FLVCR2: variants seen among roughly 807,000 people sequenced by gnomAD.
FLVCR2 encodes FLVCR choline and putative heme transporter 2.
In FLVCR2, 38 loss-of-function variants were observed where a neutral mutation model predicts 48.9. The observed-to-expected ratio is 0.78, with a 90% confidence interval of 0.60 to 1.02. The LOEUF is 1.02. FLVCR2 is among the 50% of genes least tolerant of loss of function. FLVCR2 has a pLI of 0.00. For synonymous variants in FLVCR2, 255 were observed against 257.0 expected (o/e 0.99, Z 0.07); for missense variants, 664 against 663.3 (o/e 1.00, Z -0.01).
chr14:75,624,726 A>G lies in FLVCR2; in HGVS notation c.926A>G (p.Asn309Ser). 2 of 1,614,006 alleles carry G rather than the reference A, an allele frequency of 1.2e-6. No individual in the cohort carries two copies. The highest frequency in any genetic ancestry group is 1.7e-6 in the Non-Finnish European group (2 of 1,179,990). The stretch of plus-strand genomic sequence containing the variant: ...ATCGCCCGGCTCTTCAAAAATCTCA[A>G]CTTTGTGCTGCTTGTCATCACCTAT... Reference protein sequence around the residue: ...GSIARLFKNLNFVLLVITYGL... With the variant: ...GSIARLFKNLSFVLLVITYGL... The change falls in exon 3 of 10, where the codon AAC becomes AGC. Residue 309 changes from asparagine (N) to serine (S), a missense_variant. Coordinates refer to ENST00000238667, the MANE Select transcript of FLVCR2 (RefSeq NM_017791.3).
chr14:75,639,412 C>A lies in FLVCR2; in HGVS notation c.1185C>A (p.Thr395=). Residue 395 remains threonine, a synonymous_variant, in exon 6 of 10, where the codon ACC becomes ACA. Transcript: ENST00000238667. The part of the protein sequence containing the change: ...TLVGMVVYTF[T]LNLGHLWVVF... ...TGGGCATGGTGGTGTACACGTTTAC[C>A]TTGAACCTGGGACACCTGTGGGTAG... 6.2e-7 allele frequency: 1 copy of A among 1,614,072 alleles called. No homozygotes were observed. Among genetic ancestry groups the A allele is most frequent in the Non-Finnish European group, 8.5e-7 (1 of 1,179,946 alleles).
intron 1 of FLVCR2, among the ~76,000 whole-genome samples, chr14:75,618,499 T>C (rs1279005582): frequency 6.6e-6 from 1 of 152,246 alleles, no homozygotes; most frequent in Non-Finnish European, 1.5e-5. Flanking sequence ...CTTTGTGTTT[T>C]GTTGAGAATG....
In FLVCR2 at chr14:75,641,200, A is replaced by G; in HGVS notation, c.1360A>G (p.Thr454Ala). The G allele has an allele frequency of 6.2e-7, 1 of 1,613,002 alleles. No homozygotes were observed. Among genetic ancestry groups the G allele is most frequent in the Non-Finnish European group, 8.5e-7 (1 of 1,179,304 alleles). Residue 454 changes from threonine (T) to alanine (A), a missense_variant, in exon 8 of 10, where the codon ACC (threonine) becomes GCC (alanine). Coordinates refer to ENST00000238667, the MANE Select transcript of FLVCR2 (RefSeq NM_017791.3). ...TTTCCAGGTATTTGGGATCATCTTT[A>G]CCATCTCCCAGGGCCAGATTATTGA... ...ISAQVFGIIF[T>A]ISQGQIIDNY...
rs555834563 is a variant in FLVCR2, at chr14:75,633,893, G to A, written c.1020+197G>A. Reference sequence around the variant, plus strand: ...TTTGGTGTTACTAAACTGTGTGATGGCTTGACAGTGTGACAAGCTAGTTAG... The same window carrying A: ...TTTGGTGTTACTAAACTGTGTGATGACTTGACAGTGTGACAAGCTAGTTAG... On this transcript the variant is annotated intron_variant, in intron 4 of 9. Transcript: ENST00000238667. 3.9e-5 allele frequency among the ~76,000 whole-genome samples: 6 copies of A among 152,056 alleles called. No individual in the cohort carries two copies. The East Asian group carries it at 1.2e-3, about 29-fold the overall frequency.
At chr14:75,610,350 G>C (rs1889408917) in intron 1 of FLVCR2, among the ~76,000 whole-genome samples, 2 of 152,186 alleles carry the variant, frequency 1.3e-5, no homozygotes, top group African/African-American at 4.8e-5. Context: ...GTCCTTAAAA[G>C]GAGGAGTGTG....
chr14:75,633,612 C>G lies in FLVCR2; in HGVS notation c.953-17C>G. ...GAAAGCTGACCCTAATGTTGTATTT[C>G]TCGCTCCCTTCTTCAGGTCTGAATG... is the stretch of plus-strand genomic sequence containing the variant. On this transcript the variant is annotated splice_polypyrimidine_tract_variant and intron_variant, in intron 3 of 9. Coordinates refer to ENST00000238667, the MANE Select transcript of FLVCR2 (RefSeq NM_017791.3). 6.2e-7 allele frequency: 1 copy of G among 1,609,400 alleles called. No individual in the cohort carries two copies. Among genetic ancestry groups the G allele is most frequent in the Non-Finnish European group, 8.5e-7 (1 of 1,175,666 alleles).
intron 1 of FLVCR2, among the ~76,000 whole-genome samples, chr14:75,596,786 C>CT (rs1889033276): frequency 8.6e-6 from 1 of 116,826 alleles, no homozygotes; most frequent in African/African-American, 3.1e-5. Flanking sequence ...TTTTGCCCCC[C>CT]CCCCCCGCCC....
rs146030598 is a variant in FLVCR2 at position 75,646,069 on chromosome 14, GA to G, written c.1510-328del. Among the ~76,000 whole-genome samples, 905 of 152,252 alleles carry G rather than the reference GA, an allele frequency of 5.9e-3. 11 individuals are homozygous for G. The highest frequency in any genetic ancestry group is 0.021 in the African/African-American group (858 of 41,520). On this transcript the variant is annotated intron_variant, in intron 9 of 9. Transcript: ENST00000238667. ...GTTTTCAGCTGTCAGAATGTGGAGG[GA>G]AAAGGGGCTTTGCTTCTGTTTCAGT...
chr14:75,608,080 A>G lies in FLVCR2; in HGVS notation c.670-13999A>G, dbSNP rs548584208. The stretch of plus-strand genomic sequence containing the variant: ...GTGAGTTCTCATCTAAAAAATCAAA[A>G]AATACTCTGGACTTGCCCTTTGACA... On this transcript the variant is annotated intron_variant, in intron 1 of 9. Coordinates refer to ENST00000238667, the MANE Select transcript of FLVCR2 (RefSeq NM_017791.3). Among the ~76,000 whole-genome samples the G allele has an allele frequency of 1.7e-4, 26 of 152,248 alleles. No homozygotes were observed. The South Asian group carries it at 5.0e-3, about 29-fold the overall frequency.
intron 1 of FLVCR2, among the ~76,000 whole-genome samples, chr14:75,592,381 C>G (rs2140009964): frequency 6.6e-6 from 1 of 152,202 alleles, no homozygotes. Flanking sequence ...ATTCTGTCCT[C>G]CTAGGCCTCT....
intron 1 of FLVCR2, among the ~76,000 whole-genome samples, chr14:75,619,302 G>A (rs767391967): frequency 1.1e-4 from 17 of 151,956 alleles, no homozygotes; most frequent in Non-Finnish European, 2.1e-4. Flanking sequence ...TTACATATTC[G>A]GCGCATAGTA....
intron 1 of FLVCR2, among the ~76,000 whole-genome samples, chr14:75,588,329 C>T (rs1285325001): frequency 2.0e-5 from 3 of 152,148 alleles, no homozygotes; most frequent in African/African-American, 7.2e-5. Flanking sequence ...AAGAGAGGGC[C>T]AAACTGACTT....
intron 1 of FLVCR2, among the ~76,000 whole-genome samples, chr14:75,606,699 C>T (rs1889299049): frequency 6.6e-6 from 1 of 152,160 alleles, no homozygotes; most frequent in South Asian, 2.1e-4. Flanking sequence ...CACCTATAAT[C>T]CCAGCCCTTT....
At chr14:75,635,682 TG>T (rs1307926631) in intron 5 of FLVCR2, among the ~76,000 whole-genome samples, 1 of 151,872 alleles carries the variant, frequency 6.6e-6, no homozygotes, top group African/African-American at 2.4e-5. Flanking sequence ...CTGGGCAACA[TG>T]GTGAAACCCC....
In FLVCR2 at chr14:75,609,948, C is replaced by A. The variant is rs377160017; in HGVS notation, c.670-12131C>A. Among the ~76,000 whole-genome samples the A allele has an allele frequency of 1.8e-4, 27 of 152,266 alleles. No individual in the cohort carries two copies. In the South Asian group the frequency reaches 2.1e-3, roughly 12 times the overall value. On this transcript the variant is annotated intron_variant, in intron 1 of 9. Coordinates refer to ENST00000238667, the MANE Select transcript of FLVCR2 (RefSeq NM_017791.3). The stretch of plus-strand genomic sequence containing the variant: ...AAGGGAATGCAGAAGACCGGAGAAT[C>A]CCTCTGTTGGCTGTTGATTGCTGGT...
chr14:75,629,816 C>T (rs560575605), intron 3 of FLVCR2, among the ~76,000 whole-genome samples: 16 of 152,240 alleles, frequency 1.1e-4, no homozygotes, highest in Non-Finnish European at 1.8e-4. Context: ...ATTATTCATG[C>T]TTCTGAATAA....
chr14:75,622,194 C>G lies in FLVCR2; in HGVS notation c.785C>G (p.Thr262Ser). The G allele has an allele frequency of 6.2e-7, 1 of 1,613,890 alleles. No individual in the cohort carries two copies. Among genetic ancestry groups the G allele is most frequent in the Non-Finnish European group, 8.5e-7 (1 of 1,179,808 alleles). Residue 262 changes from threonine (T) to serine (S), a missense_variant, in exon 2 of 10, where the codon ACT becomes AGT. Transcript: ENST00000238667. Reference sequence around the variant, plus strand: ...TTCTATATAATAGGAGGTGTGGCCACTCTCCTCCTCATCCTTGTCATCATT... The same window carrying G: ...TTCTATATAATAGGAGGTGTGGCCAGTCTCCTCCTCATCCTTGTCATCATT... ...IMFYIIGGVA[T>S]LLLILVIIVF...
chr14:75,641,082 TG>T, intron 7 of FLVCR2, 22 bp downstream of exon 7: 1 of 1,598,750 alleles, frequency 6.3e-7, no homozygotes, highest in African/African-American at 1.3e-5. Context: ...ATTTCCTGTT[TG>T]TTTCCTGGCT....
chr14:75,591,988 C>CT (rs1161123312), intron 1 of FLVCR2, among the ~76,000 whole-genome samples: 2 of 151,400 alleles, frequency 1.3e-5, no homozygotes, highest in African/African-American at 4.9e-5. Flanking sequence ...AATTTTGTTT[C>CT]TTTTTTGTTT....
Sources: allele counts gnomAD v4.1 joint callset (sites outside exome capture counted in the v4.1 genomes callset), GRCh38; gene constraint gnomAD v4.1.1; transcripts MANE v1.5; gene names NCBI Gene and HGNC (gene_info 2026-07-23, HGNC 2026-07-21).